NHSL1: variants seen among roughly 807,000 people sequenced by gnomAD.
NHSL1 encodes the protein NHS-like protein 1.
Under a neutral mutation model 95.0 loss-of-function variants are expected in NHSL1, and 48 were observed. The observed-to-expected ratio is 0.51, with a 90% CI of 0.40 to 0.64. NHSL1 has a LOEUF of 0.64. Among genes scored for constraint, NHSL1 ranks in the 30% least tolerant of loss-of-function variants. NHSL1 has a pLI of 0.00. For missense variants in NHSL1, 1,971 were observed against 2,077.7 expected, an observed-to-expected ratio of 0.95 and a Z score of 1.00; for synonymous variants, 783 against 833.9, an observed-to-expected ratio of 0.94 and a Z score of 1.05.
At chr6:138,511,494 C>T (rs1165407210) in intron 1 of NHSL1, among the ~76,000 whole-genome samples, 1 of 151,822 alleles carries the variant, frequency 6.6e-6, no homozygotes, top group Non-Finnish European at 1.5e-5. Context: ...CCAATGTTGC[C>T]CATGCTGGTC....
intron 1 of NHSL1, among the ~76,000 whole-genome samples, chr6:138,583,448 T>C (rs1466319605): frequency 6.6e-6 from 1 of 152,198 alleles, no homozygotes; most frequent in Admixed American, 6.5e-5. Context: ...ACACCATTCC[T>C]GACCTCAGGG....
chr6:138,534,119 T>C (rs189773396), intron 1 of NHSL1, among the ~76,000 whole-genome samples: 9 of 152,330 alleles, frequency 5.9e-5, no homozygotes, highest in East Asian at 5.8e-4. Flanking sequence ...TTCAGTCCCA[T>C]TGAAAGTAGT....
At chr6:138,482,254 T>A (rs1779460602) in intron 2 of NHSL1, among the ~76,000 whole-genome samples, 1 of 152,186 alleles carries the variant, frequency 6.6e-6, no homozygotes, top group African/African-American at 2.4e-5. Flanking sequence ...AAGACCAGCC[T>A]GTTCAACATG....
intron 1 of NHSL1, among the ~76,000 whole-genome samples, chr6:138,581,483 G>A (rs1784054647): frequency 6.6e-6 from 1 of 151,966 alleles, no homozygotes; most frequent in Admixed American, 6.6e-5. Context: ...CCTGAGGTCA[G>A]AAGTTCGAGA....
chr6:138,663,598 G>A lies in NHSL1; in HGVS notation c.96+28878C>T, dbSNP rs181935905. Reference sequence around the variant, plus strand: ...AAAAAAAAATTTCTAGGCCGGGCACGGTGGCTCACGCCTGCAATCTCAGCA... The same window carrying A: ...AAAAAAAAATTTCTAGGCCGGGCACAGTGGCTCACGCCTGCAATCTCAGCA... On this transcript the variant is annotated intron_variant, in intron 1 of 3. Coordinates refer to the NHSL1 transcript ENST00000491526. 2.2e-3 allele frequency among the ~76,000 whole-genome samples: 337 copies of A among 150,916 alleles called. 1 individual carries two copies. The highest frequency in any genetic ancestry group is 7.8e-3 in the African/African-American group (320 of 40,994).
chr6:138,540,262 T>C (rs971741560), intron 1 of NHSL1, among the ~76,000 whole-genome samples: 1 of 152,316 alleles, frequency 6.6e-6, no homozygotes, highest in East Asian at 1.9e-4. Flanking sequence ...GACATCTAAA[T>C]GTATGATAGT....
intron 1 of NHSL1, among the ~76,000 whole-genome samples, chr6:138,595,206 A>T (rs1036362796): frequency 1.3e-5 from 2 of 152,204 alleles, no homozygotes; most frequent in Non-Finnish European, 2.9e-5. Flanking sequence ...TACTTAAGCT[A>T]TTTTATGCAT....
intron 2 of NHSL1, among the ~76,000 whole-genome samples, chr6:138,482,306 C>T (rs944475629): frequency 8.5e-5 from 13 of 152,062 alleles, no homozygotes; most frequent in South Asian, 2.1e-4. Context: ...ATTAGCTGGG[C>T]GTGGTGGCGG....
intron 1 of NHSL1, among the ~76,000 whole-genome samples, chr6:138,607,587 A>G (rs572909973): frequency 8.2e-4 from 125 of 152,354 alleles, no homozygotes; most frequent in Non-Finnish European, 1.3e-3. Flanking sequence ...TTTCTTCAGC[A>G]TACAAAAGCT....
At chr6:138,507,866 G>A (rs1583325051) in intron 1 of NHSL1, among the ~76,000 whole-genome samples, 1 of 152,112 alleles carries the variant, frequency 6.6e-6, no homozygotes, top group South Asian at 2.1e-4. Context: ...TGGGGTTGGG[G>A]GAGTGGTTGG....
chr6:138,515,729 C>T (rs1781430525), intron 1 of NHSL1, among the ~76,000 whole-genome samples: 1 of 152,226 alleles, frequency 6.6e-6, no homozygotes, highest in South Asian at 2.1e-4. Context: ...TTAGGAAGTG[C>T]ATAACTCTAA....
At chr6:138,466,751 A>G (rs1778406022) in intron 3 of NHSL1, among the ~76,000 whole-genome samples, 1 of 150,222 alleles carries the variant, frequency 6.7e-6, no homozygotes, top group Non-Finnish European at 1.5e-5. Flanking sequence ...GGTGTAAACA[A>G]ACCCACTGCC....
rs71009593 is a variant in NHSL1 at position 138,626,893 on chromosome 6, CAAAAAAAAAAAAA to C, written c.96+65570_96+65582del. ...TGGGCGACAGAGCGAGACTCCGTCT[CAAAAAAAAAAAAA>C]AAAAAAAAAAAAAAAAAAAATTGTA... On this transcript the variant is annotated intron_variant, in intron 1 of 3. Coordinates refer to the NHSL1 transcript ENST00000491526. 7.8e-3 allele frequency among the ~76,000 whole-genome samples: 61 copies of C among 7,782 alleles called. 6 individuals are homozygous for C. In the East Asian group the frequency reaches 0.14, roughly 18 times the overall value. The allele number at this position is 7,782 out of a possible 152,430, so 5.1% of individuals were successfully genotyped here.
At chr6:138,620,660 A>G (rs1784643302) in intron 1 of NHSL1, among the ~76,000 whole-genome samples, 1 of 149,146 alleles carries the variant, frequency 6.7e-6, no homozygotes, top group Non-Finnish European at 1.5e-5. Context: ...AAGCATGTTG[A>G]AAAACATCTA....
At chr6:138,541,655 T>C (rs1782585457) in intron 1 of NHSL1, among the ~76,000 whole-genome samples, 2 of 152,198 alleles carry the variant, frequency 1.3e-5, no homozygotes, top group South Asian at 4.1e-4. Context: ...TCACACTGAG[T>C]TGACTGCAGT....
intron 1 of NHSL1, among the ~76,000 whole-genome samples, chr6:138,690,994 A>G (rs1175983384): frequency 6.6e-6 from 1 of 152,224 alleles, no homozygotes; most frequent in Non-Finnish European, 1.5e-5. Flanking sequence ...CAGTTCACCT[A>G]TCAATCAGAT....
At chr6:138,681,852 A>G (rs1785515924) in intron 1 of NHSL1, among the ~76,000 whole-genome samples, 2 of 152,180 alleles carry the variant, frequency 1.3e-5, no homozygotes, top group African/African-American at 2.4e-5. Context: ...CCCTCTGCAT[A>G]TTACTGATAA....
At chr6:138,512,460 T>C (rs1359667605) in intron 1 of NHSL1, 1 of 325,452 alleles carries the variant, frequency 3.1e-6, no homozygotes, top group African/African-American at 2.2e-5. Context: ...GTTAATACAA[T>C]TCTAACTGCT....
At chr6:138,661,674 A>G (rs968085545) in intron 1 of NHSL1, among the ~76,000 whole-genome samples, 20 of 152,010 alleles carry the variant, frequency 1.3e-4, no homozygotes, top group South Asian at 4.2e-4. Flanking sequence ...ATAAAAAAAA[A>G]AAAGAAAGAA....
Sources: gnomAD v4.1 joint callset for allele counts (sites outside exome capture counted in the v4.1 genomes callset) on GRCh38, gnomAD v4.1.1 for gene constraint, MANE v1.5 for transcripts, NCBI Gene and HGNC (gene_info 2026-07-23, HGNC 2026-07-21) for gene names.